The following GADL1 variants were observed in gnomAD, a reference collection of about 807,000 sequenced individuals.
GADL1 encodes GAD like acidic amino acid decarboxylase 1, also known as acidic amino acid decarboxylase GADL1.
A neutral mutation model predicts 69.5 loss-of-function variants in GADL1; 71 were observed. The ratio of observed to expected loss-of-function variants is 1.02; its 90% confidence interval spans 0.84 to 1.25. GADL1 has a LOEUF of 1.25. Among genes scored for constraint, GADL1 ranks in the 50% most tolerant of loss-of-function variants. The pLI is 0.00. For synonymous variants in GADL1, 254 were observed against 214.4 expected (o/e 1.18, Z -1.62); for missense variants, 737 against 631.8 (o/e 1.17, Z -1.79).
intron 1 of GADL1, among the ~76,000 whole-genome samples, chr3:30,888,353 T>C (rs1166729459): frequency 6.6e-6 from 1 of 152,126 alleles, no homozygotes; most frequent in Non-Finnish European, 1.5e-5. Context: ...ATTTGGGTGT[T>C]CTATGTGTGC....
At chr3:30,779,467 A>ATT (rs1159437042) in intron 13 of GADL1, among the ~76,000 whole-genome samples, 1 of 152,232 alleles carries the variant, frequency 6.6e-6, no homozygotes, top group Non-Finnish European at 1.5e-5. Context: ...TTTAAAATGA[A>ATT]ACACTGTAAT....
chr3:30,768,772 T>G (rs2125490761), intron 14 of GADL1, among the ~76,000 whole-genome samples: 1 of 152,080 alleles, frequency 6.6e-6, no homozygotes, highest in South Asian at 2.1e-4. Flanking sequence ...CTTAGGTGAG[T>G]CTTTCTTGGT....
rs1575224122 is a variant in GADL1 at position 30,828,638 on chromosome 3, G to A, written c.1050+5215C>T. On this transcript the variant is annotated intron_variant, in intron 11 of 14. Coordinates refer to ENST00000282538, the MANE Select transcript of GADL1 (RefSeq NM_207359.3). ...CACTGAGCCAAAGATCCCTGAGAAG[G>A]AGGTATAAAATGTCAATAGATAAAA... Among the ~76,000 whole-genome samples, 5 of 151,916 alleles carry A rather than the reference G, an allele frequency of 3.3e-5. No homozygotes were observed. In the South Asian group the frequency reaches 1.0e-3, roughly 32 times the overall value.
intron 14 of GADL1, among the ~76,000 whole-genome samples, chr3:30,761,348 C>T (rs955752685): frequency 2.6e-5 from 4 of 152,148 alleles, no homozygotes; most frequent in African/African-American, 9.7e-5. Flanking sequence ...TAGACACAAA[C>T]AACTAAGTTA....
chr3:30,786,263 A>C, intron 13 of GADL1, 92 bp downstream of exon 13: 1 of 805,222 alleles, frequency 1.2e-6, no homozygotes, highest in Non-Finnish European at 2.2e-6. Flanking sequence ...TCTGCAACAC[A>C]AAAACCAATG....
chr3:30,871,042 A>AGTGTGTGT (rs4016178), intron 1 of GADL1, among the ~76,000 whole-genome samples: 6,784 of 141,368 alleles, frequency 0.048, 241 homozygotes, highest in East Asian at 0.093. Context: ...AAGGCAGAAA[A>AGTGTGTGT]GTGTGTGTGT....
chr3:30,758,689 T>C (rs1161432646), intron 14 of GADL1, among the ~76,000 whole-genome samples: 1 of 152,232 alleles, frequency 6.6e-6, no homozygotes, highest in Non-Finnish European at 1.5e-5. Context: ...TTCTTATCAC[T>C]GAGATAAAGG....
chr3:30,854,153 C>T (rs921831466), intron 4 of GADL1, among the ~76,000 whole-genome samples: 5 of 152,158 alleles, frequency 3.3e-5, no homozygotes, highest in African/African-American at 1.2e-4. Context: ...ACTCATCCCT[C>T]ACCTTATCAC....
chr3:30,831,956 CTT>C (rs1288523838), intron 11 of GADL1, among the ~76,000 whole-genome samples: 2 of 151,902 alleles, frequency 1.3e-5, no homozygotes, highest in Non-Finnish European at 1.5e-5. Context: ...ATTATAAACT[CTT>C]TGACTCTGGG....
chr3:30,840,744 A>G (rs951997071), intron 8 of GADL1, among the ~76,000 whole-genome samples: 1 of 152,232 alleles, frequency 6.6e-6, no homozygotes, highest in African/African-American at 2.4e-5. Context: ...CATTAAAAAT[A>G]CAGGACCAGA....
intron 8 of GADL1, among the ~76,000 whole-genome samples, chr3:30,841,417 G>C (rs1697964774): frequency 6.6e-6 from 1 of 152,094 alleles, no homozygotes; most frequent in African/African-American, 2.4e-5. Context: ...CGACAAAAAT[G>C]ATAATGACTG....
At chr3:30,728,550 C>CTAA (rs879914907) in intron 14 of GADL1, 135 bp from the exon 15 acceptor site, 11 of 626,856 alleles carry the variant, frequency 1.8e-5, no homozygotes, top group African/African-American at 5.5e-5. Flanking sequence ...AAGGTTGACA[C>CTAA]TAATAATAAT....
At chr3:30,769,505 T>C (rs1356157824) in intron 14 of GADL1, among the ~76,000 whole-genome samples, 3 of 151,872 alleles carry the variant, frequency 2.0e-5, no homozygotes, top group Non-Finnish European at 4.4e-5. Flanking sequence ...TCCTCCTGCT[T>C]CCCCCCTGTG....
At chr3:30,884,467 A>T (rs1698679031) in intron 1 of GADL1, among the ~76,000 whole-genome samples, 1 of 152,018 alleles carries the variant, frequency 6.6e-6, no homozygotes. Context: ...TCCACGAGAG[A>T]TGGAATCTGA....
At chr3:30,763,047 A>T (rs966316203) in intron 14 of GADL1, among the ~76,000 whole-genome samples, 1 of 152,220 alleles carries the variant, frequency 6.6e-6, no homozygotes, top group Non-Finnish European at 1.5e-5. Context: ...GAGTGCAGTT[A>T]TCTCTTCCAT....
chr3:30,888,452 A>G (rs1698737513), intron 1 of GADL1, among the ~76,000 whole-genome samples: 1 of 152,202 alleles, frequency 6.6e-6, no homozygotes, highest in Admixed American at 6.5e-5. Context: ...TCAGAAGCTC[A>G]TAGTGAAAGC....
chr3:30,867,469 T>TGA (rs1018789270), intron 1 of GADL1, among the ~76,000 whole-genome samples: 8 of 143,686 alleles, frequency 5.6e-5, no homozygotes, highest in African/African-American at 2.0e-4. Flanking sequence ...TACATATATA[T>TGA]GAGAGAGAGT....
intron 13 of GADL1, chr3:30,778,668 A>G: frequency 1.9e-5 from 3 of 158,794 alleles, no homozygotes; most frequent in Admixed American, 6.1e-5. Flanking sequence ...TTCTTAAGGC[A>G]GCCAAAGTTG....
In GADL1 at chr3:30,839,529, G is replaced by GAAAAAAAAAAAAAAAAAAAA. The variant is rs1491390714; in HGVS notation, c.787-417_787-416insTTTTTTTTTTTTTTTTTTTT. On this transcript the variant is annotated intron_variant, in intron 8 of 14. Coordinates refer to ENST00000282538, the MANE Select transcript of GADL1 (RefSeq NM_207359.3). ...GTCATCTTCTCAAAAAAAAAAAAAG[G>GAAAAAAAAAAAAAAAAAAAA]TTGGAAGACAGAGCTCCCGGAGTAA... Among the ~76,000 whole-genome samples, 71 of 133,808 alleles carry GAAAAAAAAAAAAAAAAAAAA rather than the reference G, an allele frequency of 5.3e-4. 7 individuals are homozygous for GAAAAAAAAAAAAAAAAAAAA. The highest frequency in any genetic ancestry group is 2.0e-3 in the African/African-American group (69 of 34,000). The allele number at this position is 133,808 out of a possible 152,430, so 87.8% of individuals were successfully genotyped here.
Sources: gnomAD v4.1 joint callset for allele counts (sites outside exome capture counted in the v4.1 genomes callset) on GRCh38, gnomAD v4.1.1 for gene constraint, MANE v1.5 for transcripts, NCBI Gene and HGNC (gene_info 2026-07-23, HGNC 2026-07-21) for gene names.